ODAD2: variants seen among roughly 807,000 people sequenced by gnomAD.
ODAD2 encodes the protein outer dynein arm-docking complex subunit 2.
A neutral mutation model predicts 106.8 loss-of-function variants in ODAD2; 89 were observed. That is an observed-to-expected ratio of 0.83 (90% CI 0.70 to 0.99). The LOEUF (loss-of-function observed/expected upper bound fraction) is 0.99. ODAD2 is among the 50% of genes least tolerant of loss of function. The pLI, the probability that ODAD2 is intolerant of heterozygous loss-of-function variation, is 0.00. For synonymous variants in ODAD2, 404 were observed against 436.2 expected (o/e 0.93, Z 0.92); for missense variants, 1,168 against 1,238.5 (o/e 0.94, Z 0.85).
chr10:27,992,399 G>A (rs1850285014), intron 2 of ODAD2, among the ~76,000 whole-genome samples: 1 of 152,306 alleles, frequency 6.6e-6, no homozygotes, highest in Non-Finnish European at 1.5e-5. Context: ...CATAAAGACT[G>A]CATGCAGAGC....
intron 17 of ODAD2, among the ~76,000 whole-genome samples, chr10:27,881,919 C>T (rs988953159): frequency 6.6e-6 from 1 of 151,928 alleles, no homozygotes; most frequent in Admixed American, 6.6e-5. Flanking sequence ...ACCTGTAATC[C>T]TTTCGGGAGG....
chr10:27,816,312 T>G (rs1430088686), intron 19 of ODAD2, among the ~76,000 whole-genome samples: 1 of 152,178 alleles, frequency 6.6e-6, no homozygotes, highest in Non-Finnish European at 1.5e-5. Context: ...TAAGACAGGA[T>G]CAATCTTCTG....
intron 11 of ODAD2, 31 bp downstream of exon 11, chr10:27,944,785 A>T (rs764249970): frequency 3.1e-6 from 5 of 1,613,516 alleles, no homozygotes; most frequent in Non-Finnish European, 4.2e-6. Flanking sequence ...TGGGAACAAG[A>T]CTCCGCATCC....
At chr10:27,900,772 T>C (rs892235708) in intron 17 of ODAD2, among the ~76,000 whole-genome samples, 7 of 152,010 alleles carry the variant, frequency 4.6e-5, no homozygotes, top group African/African-American at 1.7e-4. Context: ...GAAAAAAGAA[T>C]GAAAAGGAAC....
chr10:27,944,921 C>T lies in ODAD2; in HGVS notation c.1428G>A (p.Met476Ile). Residue 476 changes from methionine (M) to isoleucine (I), a missense_variant, in exon 11 of 20, where the codon ATG becomes ATA. This residue lies in a region of ODAD2 where 701 missense variants were observed against 712.3 expected (regional missense o/e 0.98). Transcript: ENST00000305242. ...QTATVIALCS[M>I]RDFSLAQETC... ...TTTCTTGAGCTAAGCTGAAATCCCT[C>T]ATTGAACACAACGCAATCACTGTAG... is the stretch of plus-strand genomic sequence containing the variant. The T allele has an allele frequency of 6.2e-7, 1 of 1,614,180 alleles. No individual in the cohort carries two copies. Among genetic ancestry groups the T allele is most frequent in the Non-Finnish European group, 8.5e-7 (1 of 1,180,012 alleles).
chr10:27,910,254 A>G (rs1202328701), intron 16 of ODAD2, among the ~76,000 whole-genome samples: 1 of 152,168 alleles, frequency 6.6e-6, no homozygotes, highest in Non-Finnish European at 1.5e-5. Context: ...TCATGACACT[A>G]GCTAGCACAT....
intron 11 of ODAD2, 90 bp downstream of exon 11, chr10:27,944,726 G>C: frequency 6.7e-7 from 1 of 1,490,162 alleles, no homozygotes; most frequent in Non-Finnish European, 9.2e-7. Flanking sequence ...CAAGAACCAG[G>C]CAACGAGGCA....
chr10:27,955,700 T>G (rs1432865467), intron 10 of ODAD2, among the ~76,000 whole-genome samples: 36 of 32,232 alleles, frequency 1.1e-3, no homozygotes, highest in Non-Finnish European at 1.9e-3. Context: ...AATTAAGGTG[T>G]GTGTGTGTGT....
intron 17 of ODAD2, among the ~76,000 whole-genome samples, chr10:27,906,940 C>A (rs1341177295): frequency 6.6e-6 from 1 of 151,976 alleles, no homozygotes; most frequent in Non-Finnish European, 1.5e-5. Context: ...TGGAGCAAGC[C>A]ACCATGGCAT....
rs61534150 is a variant in ODAD2, at chr10:27,819,274, A to G, written c.3022-6649T>C. 7.5e-3 allele frequency among the ~76,000 whole-genome samples: 1,138 copies of G among 152,176 alleles called. 47 individuals carry two copies. Among genetic ancestry groups the G allele is most frequent in the Admixed American group, 0.059 (906 of 15,288 alleles). On this transcript the variant is annotated intron_variant, in intron 19 of 19. Transcript: ENST00000305242. Reference sequence around the variant, plus strand: ...AGAAAAGAGCAACAGAAATAGAAGGAATGAAAAAGGGGGAAAGAGAACTTC... The same window carrying G: ...AGAAAAGAGCAACAGAAATAGAAGGGATGAAAAAGGGGGAAAGAGAACTTC...
intron 2 of ODAD2, among the ~76,000 whole-genome samples, chr10:27,989,625 G>C (rs1850097059): frequency 6.6e-6 from 1 of 152,168 alleles, no homozygotes; most frequent in East Asian, 1.9e-4. Context: ...AAGGGCACAG[G>C]TGACATTTTT....
rs1364239325 is a variant in ODAD2, at chr10:27,939,928, A to G, written c.2066T>C (p.Leu689Pro). The stretch of plus-strand genomic sequence containing the variant: ...AATGGCCATGGCGCAGTGCTCCTGC[A>G]GCTGCTCATTCTCACTATTTAGGTT... ...VKNLNSENEQLQEHCAMAIYQ... is the reference protein window; with the variant it reads ...VKNLNSENEQPQEHCAMAIYQ... Residue 689 changes from leucine (L) to proline (P), a missense_variant, in exon 14 of 20, where the codon CTG becomes CCG. This residue lies in a region of ODAD2 where 701 missense variants were observed against 712.3 expected (regional missense o/e 0.98). Coordinates refer to ENST00000305242, the MANE Select transcript of ODAD2 (RefSeq NM_018076.5). 1 of 1,610,724 alleles carries G rather than the reference A, an allele frequency of 6.2e-7. No homozygotes were observed. Among genetic ancestry groups the G allele is most frequent in the South Asian group, 1.1e-5 (1 of 90,584 alleles).
At chr10:27,905,410 A>C (rs1259646720) in intron 17 of ODAD2, among the ~76,000 whole-genome samples, 1 of 152,200 alleles carries the variant, frequency 6.6e-6, no homozygotes, top group Non-Finnish European at 1.5e-5. Context: ...ATGGATAGGA[A>C]GAAACAATAT....
chr10:27,979,045 A>G (rs1283038897), intron 7 of ODAD2, among the ~76,000 whole-genome samples: 1 of 151,908 alleles, frequency 6.6e-6, no homozygotes, highest in East Asian at 1.9e-4. Context: ...CCCCATCTCT[A>G]CTAAAAATCT....
At chr10:27,889,484 G>A (rs539919674) in intron 17 of ODAD2, among the ~76,000 whole-genome samples, 1 of 152,150 alleles carries the variant, frequency 6.6e-6, no homozygotes, top group African/African-American at 2.4e-5. Flanking sequence ...CAGTAAGAAA[G>A]CTGGGTGGCC....
chr10:27,827,343 A>G (rs1335251384), intron 19 of ODAD2, among the ~76,000 whole-genome samples: 1 of 147,898 alleles, frequency 6.8e-6, no homozygotes, highest in Non-Finnish European at 1.5e-5. Flanking sequence ...TTAAGGACAT[A>G]TATACATAGC....
At chr10:27,969,650 A>T (rs1848705819) in intron 8 of ODAD2, among the ~76,000 whole-genome samples, 1 of 152,212 alleles carries the variant, frequency 6.6e-6, no homozygotes, top group Non-Finnish European at 1.5e-5. Context: ...CGTTCTTCAA[A>T]CAGCTCTCTG....
intron 19 of ODAD2, among the ~76,000 whole-genome samples, chr10:27,848,224 A>G (rs1424523075): frequency 6.6e-6 from 1 of 152,206 alleles, no homozygotes; most frequent in Non-Finnish European, 1.5e-5. Flanking sequence ...CAAAACAGAG[A>G]TATAGACAAA....
intron 16 of ODAD2, among the ~76,000 whole-genome samples, chr10:27,921,613 A>T (rs571104712): frequency 5.3e-5 from 8 of 152,036 alleles, no homozygotes; most frequent in African/African-American, 1.7e-4. Context: ...TTTTTTTAAA[A>T]AAAGGAGGAA....
Sources: allele counts gnomAD v4.1 joint callset (sites outside exome capture counted in the v4.1 genomes callset), GRCh38; gene constraint gnomAD v4.1.1; regional missense constraint gnomAD v4.1.1; transcripts MANE v1.5; gene names NCBI Gene and HGNC (gene_info 2026-07-23, HGNC 2026-07-21).